RDX: variants seen among roughly 807,000 people sequenced by gnomAD.
RDX encodes the protein deafness, autosomal recessive 24.
In RDX, 32 loss-of-function variants were observed where a neutral mutation model predicts 83.7. The observed-to-expected ratio is 0.38, with a 90% confidence interval of 0.29 to 0.51. RDX has a LOEUF of 0.51. Among genes scored for constraint, RDX ranks in the 20% least tolerant of loss-of-function variants. The pLI, the probability that RDX is intolerant of heterozygous loss-of-function variation, is 0.87. For missense variants in RDX, 600 were observed against 689.9 expected, an observed-to-expected ratio of 0.87 and a Z score of 1.46; for synonymous variants, 229 against 222.7, an observed-to-expected ratio of 1.03 and a Z score of -0.25.
intron 10 of RDX, among the ~76,000 whole-genome samples, chr11:110,242,100 G>A (rs1430886991): frequency 6.6e-6 from 1 of 152,134 alleles, no homozygotes; most frequent in African/African-American, 2.4e-5. Context: ...GCTGGATAGT[G>A]GTGATGGCTG....
At position 110,277,366 on chromosome 11, in the gene RDX, T is replaced by C. The variant is rs1043601398; in HGVS notation, c.12+2315A>G. Reference sequence around the variant, plus strand: ...GACAAGCCTCACTCTGTCACCCAGGTTGAAGTGCAGTGGTGCGATCTTGGC... The same window carrying C: ...GACAAGCCTCACTCTGTCACCCAGGCTGAAGTGCAGTGGTGCGATCTTGGC... On this transcript the variant is annotated intron_variant, in intron 2 of 13. Transcript: ENST00000645495. 2.6e-5 allele frequency among the ~76,000 whole-genome samples: 4 copies of C among 152,156 alleles called. No individual in the cohort carries two copies. In the South Asian group the frequency reaches 6.2e-4, roughly 24 times the overall value.
chr11:110,253,412 T>C (rs895328341), intron 9 of RDX, among the ~76,000 whole-genome samples: 3 of 152,312 alleles, frequency 2.0e-5, no homozygotes, highest in Admixed American at 6.5e-5. Context: ...CCAGGGTTGA[T>C]ATAAATTTTA....
At chr11:110,225,903 A>G (rs1864416547), downstream of RDX, among the ~76,000 whole-genome samples, 1 of 129,036 alleles carries the variant, frequency 7.7e-6, no homozygotes, top group African/African-American at 2.5e-5. Context: ...AAAGAAGAAG[A>G]AAAAAATACA....
chr11:110,294,412 G>C (rs1861362606), intron 1 of RDX, among the ~76,000 whole-genome samples: 1 of 152,186 alleles, frequency 6.6e-6, no homozygotes, highest in East Asian at 1.9e-4. Flanking sequence ...AATAAGCATC[G>C]GTTTCATTAA....
intron 2 of RDX, chr11:110,273,063 T>A: frequency 2.2e-6 from 1 of 456,076 alleles, no homozygotes; most frequent in Non-Finnish European, 4.4e-6. Flanking sequence ...TATGAAAAAT[T>A]TAAAAATTAG....
chr11:110,228,264 T>G (rs1864496875), downstream of RDX, among the ~76,000 whole-genome samples: 1 of 152,060 alleles, frequency 6.6e-6, no homozygotes, highest in Admixed American at 6.6e-5. Context: ...TGCCTGAATA[T>G]TTCATAAAGT....
chr11:110,233,992 C>G (rs1053954029), intron 12 of RDX, among the ~76,000 whole-genome samples: 2 of 152,142 alleles, frequency 1.3e-5, no homozygotes, highest in African/African-American at 4.8e-5. Context: ...CCTGAAATAT[C>G]TAACATCACC....
Position 110,258,196 on chromosome 11 carries a change from G to T in RDX, c.468-7C>A, listed in dbSNP as rs574459962. On this transcript the variant is annotated splice_region_variant and splice_polypyrimidine_tract_variant and intron_variant, in intron 5 of 13. Transcript: ENST00000645495. Reference sequence around the variant, plus strand: ...TTTGTGTTGTTCCAATACACTAAGAGGACCAAAAAAAAAAAAAAATTATAA... The same window carrying T: ...TTTGTGTTGTTCCAATACACTAAGATGACCAAAAAAAAAAAAAAATTATAA... 4.3e-5 allele frequency: 66 copies of T among 1,541,202 alleles called. No homozygotes were observed. The South Asian group carries it at 7.6e-4, about 18-fold the overall frequency.
intron 15 of RDX, among the ~76,000 whole-genome samples, chr11:110,196,661 C>G (rs993465428): frequency 6.6e-6 from 1 of 152,132 alleles, no homozygotes; most frequent in African/African-American, 2.4e-5. Flanking sequence ...CACCTCAGGC[C>G]CCTTCCCAAC....
chr11:110,204,566 G>C (rs1863534808), intron 14 of RDX, among the ~76,000 whole-genome samples: 1 of 145,466 alleles, frequency 6.9e-6, no homozygotes, highest in South Asian at 2.2e-4. Context: ...GCCCAGGCTG[G>C]AGTGCAATGG....
intron 1 of RDX, 83 bp from the exon 2 acceptor site, chr11:110,279,839 A>C: frequency 1.7e-6 from 1 of 575,554 alleles, no homozygotes; most frequent in South Asian, 2.3e-5. Context: ...GATATAAATT[A>C]AAATATTTGA....
chr11:110,278,783 T>C (rs1860622995), intron 2 of RDX, among the ~76,000 whole-genome samples: 1 of 151,960 alleles, frequency 6.6e-6, no homozygotes, highest in African/African-American at 2.4e-5. Flanking sequence ...TTCTGAAGTG[T>C]TATCCGTGCT....
intron 2 of RDX, 46 bp from the exon 3 acceptor site, chr11:110,272,665 G>C: frequency 7.8e-7 from 1 of 1,283,700 alleles, no homozygotes; most frequent in Non-Finnish European, 1.1e-6. Flanking sequence ...GAAGTTATTA[G>C]GCGTGAGAAA....
chr11:110,197,137 C>G (rs1565285889), intron 15 of RDX, among the ~76,000 whole-genome samples: 1 of 152,168 alleles, frequency 6.6e-6, no homozygotes, highest in Non-Finnish European at 1.5e-5. Context: ...TGAGTTCATT[C>G]AACCCACCTG....
intron 14 of RDX, among the ~76,000 whole-genome samples, chr11:110,208,925 T>C (rs1309304297): frequency 2.6e-5 from 4 of 152,312 alleles, no homozygotes; most frequent in East Asian, 3.9e-4. Flanking sequence ...CATTACACTC[T>C]AGCCTGGGCA....
chr11:110,259,664 C>T (rs1423613197), intron 5 of RDX, among the ~76,000 whole-genome samples: 1 of 152,176 alleles, frequency 6.6e-6, no homozygotes, highest in Non-Finnish European at 1.5e-5. Context: ...TAGGTTTCCA[C>T]AGTTTCTTGT....
At chr11:110,271,312 G>A (rs1860302433) in intron 3 of RDX, among the ~76,000 whole-genome samples, 1 of 152,134 alleles carries the variant, frequency 6.6e-6, no homozygotes, top group South Asian at 2.1e-4. Flanking sequence ...CTGCTGAAAT[G>A]CTAGAAACTC....
chr11:110,269,862 AC>A (rs1860227451), intron 3 of RDX, among the ~76,000 whole-genome samples: 1 of 151,904 alleles, frequency 6.6e-6, no homozygotes, highest in Non-Finnish European at 1.5e-5. Context: ...ACATGACGAA[AC>A]CCCATCTCTA....
intron 8 of RDX, 41 bp downstream of exon 8, chr11:110,255,247 TA>T (rs2134357422): frequency 9.8e-7 from 1 of 1,018,396 alleles, no homozygotes; most frequent in East Asian, 2.4e-5. Context: ...AACTAGCAGA[TA>T]TTAAACAGTT....
Sources: allele counts gnomAD v4.1 joint callset (sites outside exome capture counted in the v4.1 genomes callset), GRCh38; gene constraint gnomAD v4.1.1; transcripts MANE v1.5; gene names NCBI Gene and HGNC (gene_info 2026-07-23, HGNC 2026-07-21).